ADAMTS17: variants seen among roughly 807,000 people sequenced by gnomAD.
The protein encoded by ADAMTS17 is ADAM metallopeptidase with thrombospondin type 1 motif 17.
A neutral mutation model predicts 141.5 loss-of-function variants in ADAMTS17; 113 were observed. The observed-to-expected ratio is 0.80, with a 90% CI of 0.69 to 0.93. The LOEUF (loss-of-function observed/expected upper bound fraction) is 0.93. Among genes scored for constraint, ADAMTS17 ranks in the 40% least tolerant of loss-of-function variants. The pLI is 0.00. For missense variants in ADAMTS17, 1,659 were observed against 1,517.9 expected (o/e 1.09, Z -1.54); for synonymous variants, 768 against 630.6 (o/e 1.22, Z -3.27).
At chr15:100,007,541 C>T (rs1194980006) in intron 18 of ADAMTS17, among the ~76,000 whole-genome samples, 1 of 152,128 alleles carries the variant, frequency 6.6e-6, no homozygotes, top group South Asian at 2.1e-4. Context: ...CTGCCTCAGC[C>T]TCCCTGGTTG....
intron 3 of ADAMTS17, among the ~76,000 whole-genome samples, chr15:100,320,313 ATCACGACAAG>A (rs2045693555): frequency 6.6e-6 from 1 of 152,242 alleles, no homozygotes; most frequent in Non-Finnish European, 1.5e-5. Context: ...GGCTGGGAAA[ATCACGACAAG>A]TCCCAAACAG....
At chr15:100,256,056 C>T (rs1304618999) in intron 6 of ADAMTS17, among the ~76,000 whole-genome samples, 4 of 152,226 alleles carry the variant, frequency 2.6e-5, no homozygotes, top group Admixed American at 6.5e-5. Flanking sequence ...AAGCAGCAAG[C>T]CACCTGCCTG....
At chr15:100,264,857 G>C (rs1017416616) in intron 4 of ADAMTS17, among the ~76,000 whole-genome samples, 1 of 152,100 alleles carries the variant, frequency 6.6e-6, no homozygotes. Flanking sequence ...CAGAGTTTCC[G>C]TTTTGCAAGA....
intron 20 of ADAMTS17, among the ~76,000 whole-genome samples, chr15:99,981,787 TTAAAAA>T (rs1470979993): frequency 2.0e-5 from 3 of 152,250 alleles, no homozygotes; most frequent in Admixed American, 6.5e-5. Flanking sequence ...ACTTATATAA[TTAAAAA>T]TAAAACTGGA....
At chr15:100,030,876 A>G (rs1280519003) in intron 18 of ADAMTS17, among the ~76,000 whole-genome samples, 3 of 152,194 alleles carry the variant, frequency 2.0e-5, no homozygotes, top group Admixed American at 6.5e-5. Flanking sequence ...GCACGCTCAC[A>G]TGTGTATGTG....
At chr15:100,029,500 C>T (rs145441972) in intron 18 of ADAMTS17, among the ~76,000 whole-genome samples, 72 of 152,200 alleles carry the variant, frequency 4.7e-4, no homozygotes, top group African/African-American at 1.5e-3. Flanking sequence ...TTAGGGCATC[C>T]GGCTGCCTCA....
In ADAMTS17 at chr15:100,019,896, C is replaced by G. The variant is rs140042690; in HGVS notation, c.2592-22307G>C. ...GATGATTCTGCACCACTGGCCTGCA[C>G]ACGGGTCCTTGTCATTGCTTTCTTT... On this transcript the variant is annotated intron_variant, in intron 18 of 21. Coordinates refer to ENST00000268070, the MANE Select transcript of ADAMTS17 (RefSeq NM_139057.4). Among the ~76,000 whole-genome samples the G allele has an allele frequency of 3.3e-5, 5 of 152,250 alleles. No homozygotes were observed. The East Asian group carries it at 9.7e-4, about 29-fold the overall frequency.
At chr15:100,335,819 A>G (rs945301849) in intron 2 of ADAMTS17, among the ~76,000 whole-genome samples, 1 of 152,166 alleles carries the variant, frequency 6.6e-6, no homozygotes, top group African/African-American at 2.4e-5. Flanking sequence ...AAAGGAGTTA[A>G]GTGACTCGCT....
intron 6 of ADAMTS17, 63 bp from the exon 7 acceptor site, chr15:100,254,242 A>G: frequency 6.9e-7 from 1 of 1,446,236 alleles, no homozygotes; most frequent in Non-Finnish European, 9.7e-7. Flanking sequence ...AGAAGAAAAC[A>G]CTGTGAATTA....
intron 15 of ADAMTS17, among the ~76,000 whole-genome samples, chr15:100,083,723 T>C (rs966175973): frequency 7.3e-5 from 11 of 150,144 alleles, no homozygotes; most frequent in Non-Finnish European, 1.3e-4. Context: ...TGTTGTGCCC[T>C]GATCCCCAGG....
At chr15:100,062,410 C>T (rs771628312) in intron 15 of ADAMTS17, among the ~76,000 whole-genome samples, 3 of 152,186 alleles carry the variant, frequency 2.0e-5, no homozygotes, top group Non-Finnish European at 2.9e-5. Flanking sequence ...GCATGCCTGC[C>T]TTCCCCAAGG....
In ADAMTS17 at chr15:100,237,235, T is replaced by C. The variant is rs115927264; in HGVS notation, c.1075+16901A>G. ...CTGGCGCCTACAGGAGGCGACTCCA[T>C]GTGAGGGCCGAGGTCTGAGGACGGC... On this transcript the variant is annotated intron_variant, in intron 7 of 21. Coordinates refer to ENST00000268070, the MANE Select transcript of ADAMTS17 (RefSeq NM_139057.4). Among the ~76,000 whole-genome samples the C allele has an allele frequency of 4.8e-3, 735 of 152,254 alleles. 6 individuals carry two copies. The highest frequency in any genetic ancestry group is 0.012 in the African/African-American group (517 of 41,546).
chr15:99,987,367 G>C (rs965551698), intron 20 of ADAMTS17, among the ~76,000 whole-genome samples: 7 of 152,168 alleles, frequency 4.6e-5, no homozygotes, highest in African/African-American at 1.7e-4. Flanking sequence ...CCTCGAAACT[G>C]GACAACTGGT....
At chr15:100,038,296 A>G (rs1457417802) in intron 18 of ADAMTS17, among the ~76,000 whole-genome samples, 3 of 152,214 alleles carry the variant, frequency 2.0e-5, no homozygotes, top group African/African-American at 4.8e-5. Context: ...GAAATTGGGA[A>G]GCATGAGGAC....
At chr15:99,983,341 A>C (rs1483403187) in intron 20 of ADAMTS17, among the ~76,000 whole-genome samples, 1 of 152,160 alleles carries the variant, frequency 6.6e-6, no homozygotes, top group Non-Finnish European at 1.5e-5. Context: ...GCAGAATGTG[A>C]GGTTTCAGAG....
chr15:100,109,248 C>A lies in ADAMTS17; in HGVS notation c.1889-132G>T. ...ACAGGTCAGTAAAGGTGCATGAGCTCAGGTACGCGCTCCAGGAAGCGGAAA... is the reference window on the plus strand; with the variant it reads ...ACAGGTCAGTAAAGGTGCATGAGCTAAGGTACGCGCTCCAGGAAGCGGAAA... On this transcript the variant is annotated intron_variant, in intron 13 of 21. Coordinates refer to ENST00000268070, the MANE Select transcript of ADAMTS17 (RefSeq NM_139057.4). 4.6e-6 allele frequency: 3 copies of A among 645,428 alleles called. No homozygotes were observed. In the South Asian group the frequency reaches 6.3e-5, roughly 13 times the overall value. The allele number at this position is 645,428 out of a possible 1,614,324, so 40.0% of individuals were successfully genotyped here. A position where few individuals can be genotyped will look rare whatever the true frequency, so the allele number is the denominator to read the frequency against.
At chr15:100,172,392 A>ATTTTAG (rs1478455288) in intron 8 of ADAMTS17, among the ~76,000 whole-genome samples, 1 of 152,156 alleles carries the variant, frequency 6.6e-6, no homozygotes, top group Non-Finnish European at 1.5e-5. Context: ...TTTGTCCTCC[A>ATTTTAG]TTTTAAAGTT....
chr15:100,020,487 T>G (rs894718899), intron 18 of ADAMTS17, among the ~76,000 whole-genome samples: 2 of 152,008 alleles, frequency 1.3e-5, no homozygotes, highest in African/African-American at 4.8e-5. Context: ...TCTGCCTGAA[T>G]CCCCACCCAC....
chr15:99,981,608 G>A (rs2060483697), intron 20 of ADAMTS17, among the ~76,000 whole-genome samples: 1 of 152,184 alleles, frequency 6.6e-6, no homozygotes, highest in Admixed American at 6.5e-5. Context: ...TGTTAGGTGA[G>A]AAGACAAGTT....
Sources: gnomAD v4.1 joint callset for allele counts (sites outside exome capture counted in the v4.1 genomes callset) on GRCh38, gnomAD v4.1.1 for gene constraint, MANE v1.5 for transcripts, NCBI Gene and HGNC (gene_info 2026-07-23, HGNC 2026-07-21) for gene names.